The following SEM1 variants were observed in gnomAD, a reference collection of about 807,000 sequenced individuals.
SEM1 encodes the protein SEM1 26S proteasome subunit, also known as 26S proteasome complex subunit SEM1.
SEM1 carries 3 observed loss-of-function variants against 12.7 expected under a neutral mutation model. The observed-to-expected ratio is 0.24, with a 90% CI of 0.11 to 0.61. The LOEUF (loss-of-function observed/expected upper bound fraction) is 0.61, where lower values mean the gene tolerates loss of function less well. Ranked by LOEUF, SEM1 falls within the 20% of genes least tolerant of loss-of-function variation. SEM1 has a pLI of 0.88. For synonymous variants in SEM1, 30 were observed against 27.8 expected, an observed-to-expected ratio of 1.08 and a Z score of -0.25; for missense variants, 59 against 81.3, an observed-to-expected ratio of 0.73 and a Z score of 1.06.
At chr7:96,564,587 T>A (rs976558220) in intron 2 of SEM1, among the ~76,000 whole-genome samples, 1 of 152,040 alleles carries the variant, frequency 6.6e-6, no homozygotes, top group African/African-American at 2.4e-5. Context: ...GTGAATGTGA[T>A]GGCTGGGGCT....
rs562671030 is a variant in SEM1 at position 96,612,429 on chromosome 7, A to T, written c.170+82369T>A. Among the ~76,000 whole-genome samples, 26 of 152,288 alleles carry T rather than the reference A, an allele frequency of 1.7e-4. No homozygotes were observed. In the South Asian group the frequency reaches 5.4e-3, roughly 32 times the overall value. The stretch of plus-strand genomic sequence containing the variant: ...ATCCCACCCTTGCCACCAAACTGGG[A>T]AACAAGGGCATTTGCTGTGAATCTC... On this transcript the variant is annotated intron_variant and NMD_transcript_variant, in intron 2 of 3. Transcript: ENST00000466986.
intron 2 of SEM1, among the ~76,000 whole-genome samples, chr7:96,575,953 T>C (rs1383660480): frequency 6.6e-6 from 1 of 152,246 alleles, no homozygotes; most frequent in African/African-American, 2.4e-5. Context: ...TATTATATTC[T>C]GTGTATCCAT....
chr7:96,583,605 T>C (rs62471424), intron 2 of SEM1, among the ~76,000 whole-genome samples: 48,427 of 148,012 alleles, frequency 0.33, 8,928 homozygotes, highest in Admixed American at 0.37. Context: ...GTGTGGGAGT[T>C]TAAGTCTCTT....
intron 2 of SEM1, among the ~76,000 whole-genome samples, chr7:96,539,784 C>G (rs944939240): frequency 6.6e-6 from 1 of 151,748 alleles, no homozygotes; most frequent in African/African-American, 2.4e-5. Context: ...TCAATAAATA[C>G]TTGTTGAATA....
At chr7:96,560,223 T>C (rs1415952502) in intron 2 of SEM1, among the ~76,000 whole-genome samples, 3 of 152,212 alleles carry the variant, frequency 2.0e-5, no homozygotes, top group African/African-American at 4.8e-5. Flanking sequence ...TCAAAAGGTA[T>C]ACACACTTTA....
intron 2 of SEM1, among the ~76,000 whole-genome samples, chr7:96,692,516 T>C (rs923039695): frequency 3.3e-5 from 5 of 152,096 alleles, no homozygotes; most frequent in African/African-American, 1.2e-4. Flanking sequence ...TTTCAAAAGC[T>C]AGTAGGGTGT....
intron 2 of SEM1, among the ~76,000 whole-genome samples, chr7:96,541,388 T>C (rs560656725): frequency 1.3e-5 from 2 of 151,456 alleles, no homozygotes; most frequent in Non-Finnish European, 2.9e-5. Flanking sequence ...GTATGTCTCC[T>C]TTTGAGAAGT....
At chr7:96,599,784 T>C (rs541532714) in intron 2 of SEM1, among the ~76,000 whole-genome samples, 19 of 152,330 alleles carry the variant, frequency 1.2e-4, no homozygotes, top group African/African-American at 4.6e-4. Flanking sequence ...TGCCAGATTC[T>C]CTTCTTTTGA....
intron 2 of SEM1, among the ~76,000 whole-genome samples, chr7:96,630,518 T>C (rs1808216014): frequency 6.6e-6 from 1 of 152,112 alleles, no homozygotes; most frequent in Non-Finnish European, 1.5e-5. Context: ...GGGACTCACT[T>C]TTCAGGGGAA....
At chr7:96,648,824 GC>G (rs1354421436) in intron 2 of SEM1, among the ~76,000 whole-genome samples, 3 of 152,202 alleles carry the variant, frequency 2.0e-5, no homozygotes, top group Non-Finnish European at 4.4e-5. Flanking sequence ...CTGCAGTGCA[GC>G]CCTGACAAAG....
At chr7:96,496,079 T>C (rs1803237545) in intron 1 of SEM1, among the ~76,000 whole-genome samples, 1 of 152,154 alleles carries the variant, frequency 6.6e-6, no homozygotes, top group African/African-American at 2.4e-5. Context: ...AGATCATTCT[T>C]GTTTGGAAGT....
At chr7:96,550,733 G>C (rs1805242699) in intron 2 of SEM1, among the ~76,000 whole-genome samples, 1 of 152,190 alleles carries the variant, frequency 6.6e-6, no homozygotes, top group African/African-American at 2.4e-5. Flanking sequence ...AAGGGTTTAA[G>C]TTAGTAAGGC....
At chr7:96,709,561 G>C (rs1234981502) in intron 1 of SEM1, 127 bp downstream of exon 1, 21 of 830,334 alleles carry the variant, frequency 2.5e-5, no homozygotes, top group Non-Finnish European at 3.7e-5. Flanking sequence ...TTAGCGCCTC[G>C]AGTGCCGGCC....
chr7:96,537,201 C>T (rs1804811873), intron 2 of SEM1, among the ~76,000 whole-genome samples: 1 of 151,672 alleles, frequency 6.6e-6, no homozygotes, highest in African/African-American at 2.4e-5. Flanking sequence ...TTCTCAATTT[C>T]TCTCTATGGC....
At chr7:96,544,799 C>T (rs557925458) in intron 2 of SEM1, among the ~76,000 whole-genome samples, 31 of 151,846 alleles carry the variant, frequency 2.0e-4, no homozygotes, top group Non-Finnish European at 3.7e-4. Flanking sequence ...ATCACAAAGA[C>T]GAGAAAATAT....
At chr7:96,575,568 G>T (rs1424821985) in intron 2 of SEM1, among the ~76,000 whole-genome samples, 1 of 152,232 alleles carries the variant, frequency 6.6e-6, no homozygotes, top group Non-Finnish European at 1.5e-5. Flanking sequence ...TGCGCCCACA[G>T]CCACCCCTTC....
In SEM1 at chr7:96,583,872, G is replaced by A. The variant is rs536863545; in HGVS notation, c.171-77174C>T. On this transcript the variant is annotated intron_variant and NMD_transcript_variant, in intron 2 of 3. Transcript: ENST00000466986. ...ATTTTGAGCCTATGTGTCTCTGCAC[G>A]TGAGATGGGTTTCCTGAATACAGCA... Among the ~76,000 whole-genome samples, 19 of 150,836 alleles carry A rather than the reference G, an allele frequency of 1.3e-4. No homozygotes were observed. In the South Asian group the frequency reaches 1.5e-3, roughly 12 times the overall value.
intron 2 of SEM1, among the ~76,000 whole-genome samples, chr7:96,522,425 A>G (rs958298837): frequency 6.6e-6 from 1 of 152,096 alleles, no homozygotes; most frequent in Non-Finnish European, 1.5e-5. Flanking sequence ...GTCAACTAGT[A>G]GGCACTGTTC....
intron 2 of SEM1, among the ~76,000 whole-genome samples, chr7:96,553,942 A>C (rs1161339200): frequency 1.3e-5 from 2 of 151,748 alleles, no homozygotes; most frequent in Non-Finnish European, 2.9e-5. Context: ...TAGGTATTTT[A>C]TTCTCTTTGA....
Sources: gnomAD v4.1 joint callset for allele counts (sites outside exome capture counted in the v4.1 genomes callset) on GRCh38, gnomAD v4.1.1 for gene constraint, MANE v1.5 for transcripts, NCBI Gene and HGNC (gene_info 2026-07-23, HGNC 2026-07-21) for gene names.